Variants in IGFL2 observed in about 807,000 individuals in gnomAD.
The protein encoded by IGFL2 is insulin growth factor-like family member 2.
Under a neutral mutation model 13.9 loss-of-function variants are expected in IGFL2, and 7 were observed. That is an observed-to-expected ratio of 0.51 (90% CI 0.29 to 0.95). The LOEUF (loss-of-function observed/expected upper bound fraction) is 0.95. Among genes scored for constraint, IGFL2 ranks in the 40% least tolerant of loss-of-function variants. IGFL2 has a pLI of 0.08. For missense variants in IGFL2, 138 were observed against 147.8 expected (o/e 0.93, Z 0.34); for synonymous variants, 55 against 55.8 (o/e 0.99, Z 0.07).
the IGFL2 span, among the ~76,000 whole-genome samples, chr19:46,117,774 C>A: frequency 6.6e-6 from 1 of 152,136 alleles, no homozygotes; most frequent in African/African-American, 2.4e-5. Flanking sequence ...CCACCGCGCC[C>A]GGACTACCAT....
chr19:46,207,422 C>T, the IGFL2 span: 2 of 151,894 alleles, frequency 1.3e-5, no homozygotes, highest in Non-Finnish European at 2.9e-5. Context: ...CACTCTGTCA[C>T]CCAGGCTGAA....
the IGFL2 span, among the ~76,000 whole-genome samples, chr19:46,118,546 A>G: frequency 1.3e-5 from 2 of 152,178 alleles, no homozygotes; most frequent in Non-Finnish European, 2.9e-5. Flanking sequence ...CCGGCCTGAC[A>G]TATGAAGCTG....
the IGFL2 span, among the ~76,000 whole-genome samples, chr19:46,192,781 C>G: frequency 6.6e-6 from 1 of 152,258 alleles, no homozygotes; most frequent in Non-Finnish European, 1.5e-5. Flanking sequence ...GGAGTCATCC[C>G]AGCCTTTCTA....
chr19:46,160,133 CT>C, intron 1 of IGFL2: 4 of 462,580 alleles, frequency 8.6e-6, no homozygotes, highest in East Asian at 3.9e-5. Flanking sequence ...CTGCTCCCTC[CT>C]TTTTCCAACT....
chr19:46,191,416 C>G, the IGFL2 span, among the ~76,000 whole-genome samples: 2 of 152,130 alleles, frequency 1.3e-5, no homozygotes, highest in East Asian at 3.9e-4. Context: ...CTGAGCTGGG[C>G]TAAAGAGAAG....
chr19:46,204,539 C>T, the IGFL2 span, among the ~76,000 whole-genome samples: 1 of 152,180 alleles, frequency 6.6e-6, no homozygotes, highest in Non-Finnish European at 1.5e-5. Context: ...AGGGACATGG[C>T]AGTGAGTGAT....
chr19:46,214,891 G>GCACACACACA, the IGFL2 span: 1 of 146,248 alleles, frequency 6.8e-6, no homozygotes, highest in Non-Finnish European at 1.5e-5. Flanking sequence ...ACACGCGTGC[G>GCACACACACA]CGCACACACA....
At chr19:46,109,519 T>C in the IGFL2 span, among the ~76,000 whole-genome samples, 1,593 of 152,186 alleles carry the variant, frequency 0.01, 16 homozygotes, top group South Asian at 0.028. Flanking sequence ...GGTTTCACCA[T>C]GTTAGCCAGG....
the IGFL2 span, chr19:46,123,875 G>A: frequency 6.2e-7 from 1 of 1,603,598 alleles, no homozygotes; most frequent in Admixed American, 1.7e-5. Flanking sequence ...GAGCAAGGTA[G>A]GGACCTTTAC....
At chr19:46,182,365 T>TAAAAAAA in the IGFL2 span, among the ~76,000 whole-genome samples, 3 of 78,690 alleles carry the variant, frequency 3.8e-5, no homozygotes, top group Admixed American at 2.9e-4. Flanking sequence ...AGACTTTGCC[T>TAAAAAAA]AAAAAAAAAA....
the IGFL2 span, among the ~76,000 whole-genome samples, chr19:46,134,924 T>G: frequency 6.6e-6 from 1 of 152,168 alleles, no homozygotes; most frequent in East Asian, 1.9e-4. Flanking sequence ...GAGCCCTAGG[T>G]GCATAATACT....
upstream of IGFL2, among the ~76,000 whole-genome samples, chr19:46,145,207 G>A (rs548078013): frequency 8.3e-4 from 126 of 151,804 alleles, 2 homozygotes; most frequent in Middle Eastern, 0.017. Flanking sequence ...TGTTTTTCGG[G>A]GTTATATATA....
chr19:46,140,306 A>G (rs1476662576), upstream of IGFL2, among the ~76,000 whole-genome samples: 1 of 152,140 alleles, frequency 6.6e-6, no homozygotes, highest in African/African-American at 2.4e-5. Flanking sequence ...TCAAGTCTAC[A>G]TAGAACATTT....
chr19:46,180,380 T>G, the IGFL2 span, among the ~76,000 whole-genome samples: 2 of 152,132 alleles, frequency 1.3e-5, no homozygotes, highest in Non-Finnish European at 1.5e-5. Flanking sequence ...GGTTTCTCCA[T>G]ATTGACCAGG....
upstream of IGFL2, among the ~76,000 whole-genome samples, chr19:46,140,326 T>C (rs571367328): frequency 2.6e-5 from 4 of 152,030 alleles, no homozygotes; most frequent in East Asian, 3.9e-4. Flanking sequence ...TATGCTAAAT[T>C]GATCATATGT....
chr19:46,079,330 G>C, the IGFL2 span, among the ~76,000 whole-genome samples: 8 of 152,322 alleles, frequency 5.3e-5, no homozygotes, highest in Non-Finnish European at 1.2e-4. Flanking sequence ...CAGGAGGTGC[G>C]TCAAGTCGCT....
upstream of IGFL2, among the ~76,000 whole-genome samples, chr19:46,141,477 T>C (rs1972855609): frequency 6.6e-6 from 1 of 152,098 alleles, no homozygotes; most frequent in Non-Finnish European, 1.5e-5. Context: ...CTCCCCACCA[T>C]GTCTAGGATG....
At chr19:46,162,997 T>C (rs1974233291), downstream of IGFL2, among the ~76,000 whole-genome samples, 1 of 152,240 alleles carries the variant, frequency 6.6e-6, no homozygotes, top group Non-Finnish European at 1.5e-5. Context: ...TTCCCTGGGC[T>C]GAGGCTTTGT....
chr19:46,161,191 G>C lies in IGFL2; in HGVS notation c.*103G>C. ...AAGCCTGAGGAATTTACAAAATGATGCAGCTCCAAGCCATTGTATGGCCCA... is the reference window on the plus strand; with the variant it reads ...AAGCCTGAGGAATTTACAAAATGATCCAGCTCCAAGCCATTGTATGGCCCA... On this transcript the variant is annotated 3_prime_UTR_variant, in exon 4 of 4. Coordinates refer to ENST00000377693, the MANE Select transcript of IGFL2 (RefSeq NM_001135113.2). 1 of 821,418 alleles carries C rather than the reference G, an allele frequency of 1.2e-6. No homozygotes were observed. The highest frequency in any genetic ancestry group is 1.7e-5 in the African/African-American group (1 of 58,476). The allele number at this position is 821,418 out of a possible 1,614,324, so 50.9% of individuals were successfully genotyped here. A position where few individuals can be genotyped will look rare whatever the true frequency, so the allele number is the denominator to read the frequency against.
Sources: gnomAD v4.1 joint callset for allele counts (sites outside exome capture counted in the v4.1 genomes callset) on GRCh38, gnomAD v4.1.1 for gene constraint, MANE v1.5 for transcripts, NCBI Gene and HGNC (gene_info 2026-07-23, HGNC 2026-07-21) for gene names.